PCDHGA1: variants seen among roughly 807,000 people sequenced by gnomAD.
PCDHGA1 encodes the protein protocadherin gamma subfamily A, 1.
A neutral mutation model predicts 58.0 loss-of-function variants in PCDHGA1; 32 were observed. The observed-to-expected ratio is 0.55, with a 90% CI of 0.42 to 0.74. PCDHGA1 has a LOEUF of 0.74. PCDHGA1 is among the 30% of genes least tolerant of loss of function. The pLI is 0.00. For missense variants in PCDHGA1, 1,205 were observed against 1,182.3 expected, an observed-to-expected ratio of 1.02 and a Z score of -0.28; for synonymous variants, 498 against 501.1, an observed-to-expected ratio of 0.99 and a Z score of 0.08.
intron 1 of PCDHGA1, chr5:141,404,633 G>C: frequency 6.2e-7 from 1 of 1,614,170 alleles, no homozygotes; most frequent in Non-Finnish European, 8.5e-7. Flanking sequence ...CAATGCCCCA[G>C]AAATCCTGTA....
In PCDHGA1 at chr5:141,476,245, G is replaced by C; in HGVS notation, c.2422-18562G>C. 3.1e-6 allele frequency: 5 copies of C among 1,614,086 alleles called. No homozygotes were observed. The highest frequency in any genetic ancestry group is 3.4e-6 in the Non-Finnish European group (4 of 1,180,026). On this transcript the variant is annotated intron_variant, in intron 1 of 3. Transcript: ENST00000517417. This position sits in a 1 kb window ranked among gnomAD's most constrained non-coding sequence, Gnocchi z 7.6. The stretch of plus-strand genomic sequence containing the variant: ...ATGAGATCCCGGAGGAAAGAGAGAA[G>C]GGTTTCGCTGTGGGCAACGTGGTCG...
At chr5:141,439,523 T>A (rs2098118339) in intron 1 of PCDHGA1, among the ~76,000 whole-genome samples, 1 of 152,202 alleles carries the variant, frequency 6.6e-6, no homozygotes, top group African/African-American at 2.4e-5. Context: ...CAACTAACTC[T>A]ACAGAACGCT....
At chr5:141,374,437 C>T in intron 1 of PCDHGA1, 2 of 1,613,846 alleles carry the variant, frequency 1.2e-6, no homozygotes, top group Non-Finnish European at 1.7e-6. Context: ...ATCTTTATCC[C>T]GTGGAAGTGG....
At chr5:141,481,913 CAAAA>C (rs34114744) in intron 1 of PCDHGA1, among the ~76,000 whole-genome samples, 1 of 90,848 alleles carries the variant, frequency 1.1e-5, no homozygotes, top group Non-Finnish European at 2.2e-5. Context: ...AACTCCATCT[CAAAA>C]AAAAAAAAAA....
rs1299543517 is a variant in PCDHGA1, at chr5:141,344,385, G to T, written c.2421+11280G>T. The T allele has an allele frequency of 2.5e-6, 4 of 1,612,432 alleles. No homozygotes were observed. In the Admixed American group the frequency reaches 5.0e-5, roughly 20 times the overall value. On this transcript the variant is annotated intron_variant, in intron 1 of 3. Coordinates refer to ENST00000517417, the MANE Select transcript of PCDHGA1 (RefSeq NM_018912.3). ...GGTTGAGGATAAATTGAAAATTTTT[G>T]AAGTAGAAATAGAAATTAAAGATAT...
Position 141,338,984 on chromosome 5 carries a change from C to A in PCDHGA1, c.2421+5879C>A, listed in dbSNP as rs774904169. 15 of 1,538,220 alleles carry A rather than the reference C, an allele frequency of 9.8e-6. No homozygotes were observed. In the East Asian group the frequency reaches 3.0e-4, roughly 30 times the overall value. ...CGACAGGAGGGAAATGGCGGCTCTGCAAAAGTTGCCACACTGCAGAAAGCT... is the reference window on the plus strand; with the variant it reads ...CGACAGGAGGGAAATGGCGGCTCTGAAAAAGTTGCCACACTGCAGAAAGCT... On this transcript the variant is annotated intron_variant, in intron 1 of 3. Coordinates refer to ENST00000517417, the MANE Select transcript of PCDHGA1 (RefSeq NM_018912.3).
chr5:141,406,796 T>C (rs1010773625), intron 1 of PCDHGA1, among the ~76,000 whole-genome samples: 7 of 152,362 alleles, frequency 4.6e-5, no homozygotes, highest in Admixed American at 1.3e-4. Flanking sequence ...TATTTCTGGC[T>C]CAATTCTCCA....
intron 1 of PCDHGA1, chr5:141,371,141 C>A: frequency 2.2e-5 from 35 of 1,613,982 alleles, no homozygotes; most frequent in Non-Finnish European, 2.8e-5. Context: ...TGTACAGGGT[C>A]AATGTTGCAG....
At chr5:141,478,526 G>A (rs1402123535) in intron 1 of PCDHGA1, 1 of 1,609,906 alleles carries the variant, frequency 6.2e-7, no homozygotes, top group Admixed American at 1.7e-5. Context: ...GTTGGGTGCA[G>A]AGAGCGCCCC....
At position 141,431,982 on chromosome 5, in the gene PCDHGA1, T is replaced by G. The variant is rs2097433926; in HGVS notation, c.2422-62825T>G. The G allele has an allele frequency of 6.2e-7, 1 of 1,614,212 alleles. No homozygotes were observed. Among genetic ancestry groups the G allele is most frequent in the African/African-American group, 1.3e-5 (1 of 75,056 alleles). ...AATTACTATAGTTTAGTCACAGACA[T>G]AGTCTTGGATAGGGAACAGGTTCCT... On this transcript the variant is annotated intron_variant, in intron 1 of 3. Transcript: ENST00000517417. The surrounding 1 kb of genome is among the most constrained non-coding windows in gnomAD (Gnocchi z 4.8).
rs1370450155 is a variant in PCDHGA1, at chr5:141,431,480, G to T, written c.2422-63327G>T. On this transcript the variant is annotated intron_variant, in intron 1 of 3. Coordinates refer to ENST00000517417, the MANE Select transcript of PCDHGA1 (RefSeq NM_018912.3). This position sits in a 1 kb window ranked among gnomAD's most constrained non-coding sequence, Gnocchi z 4.8. Reference sequence around the variant, plus strand: ...TCTGGATGCGAACGACAACGCACCAGCGTTTGCTCAGCCCGAGTACCGCGC... The same window carrying T: ...TCTGGATGCGAACGACAACGCACCATCGTTTGCTCAGCCCGAGTACCGCGC... 3 of 1,613,924 alleles carry T rather than the reference G, an allele frequency of 1.9e-6. No individual in the cohort carries two copies. Among genetic ancestry groups the T allele is most frequent in the Non-Finnish European group, 2.5e-6 (3 of 1,179,990 alleles).
chr5:141,479,679 T>A (rs1211872684), intron 1 of PCDHGA1: 1 of 152,258 alleles, frequency 6.6e-6, no homozygotes, highest in East Asian at 1.9e-4. Flanking sequence ...AAGGAGAGTC[T>A]TTTTGGTGCC....
In PCDHGA1 at chr5:141,476,533, A is replaced by G; in HGVS notation, c.2422-18274A>G. 6.2e-7 allele frequency: 1 copy of G among 1,614,184 alleles called. No individual in the cohort carries two copies. Among genetic ancestry groups the G allele is most frequent in the Non-Finnish European group, 8.5e-7 (1 of 1,180,022 alleles). On this transcript the variant is annotated intron_variant, in intron 1 of 3. Transcript: ENST00000517417. The surrounding 1 kb of genome is among the most constrained non-coding windows in gnomAD (Gnocchi z 7.6). ...ACAATCCTGCTTTCCCTACCCAGGA[A>G]ATGAAATTGGAGATTAGCGAGGCCG...
At position 141,430,830 on chromosome 5, in the gene PCDHGA1, G is replaced by A. The variant is rs754181300; in HGVS notation, c.2422-63977G>A. The stretch of plus-strand genomic sequence containing the variant: ...CTGGGAATCCTCCTGGGGACTCTGT[G>A]GGAGACCGGATGCACCCAGATACGC... On this transcript the variant is annotated intron_variant, in intron 1 of 3. Coordinates refer to ENST00000517417, the MANE Select transcript of PCDHGA1 (RefSeq NM_018912.3). 8 of 1,554,850 alleles carry A rather than the reference G, an allele frequency of 5.1e-6. No homozygotes were observed. The East Asian group carries it at 1.6e-4, about 31-fold the overall frequency.
At chr5:141,343,244 C>A in intron 1 of PCDHGA1, 1 of 919,264 alleles carries the variant, frequency 1.1e-6, no homozygotes, top group Non-Finnish European at 1.3e-6. Context: ...CAACAAATAT[C>A]GAAACTAAGT....
At chr5:141,364,941 A>C in intron 1 of PCDHGA1, 1 of 1,613,952 alleles carries the variant, frequency 6.2e-7, no homozygotes, top group Non-Finnish European at 8.5e-7. Flanking sequence ...GACCGCGAGA[A>C]AGAGACTGTT....
At chr5:141,417,993 C>T (rs753867006) in intron 1 of PCDHGA1, 11 of 1,613,830 alleles carry the variant, frequency 6.8e-6, no homozygotes, top group Non-Finnish European at 7.6e-6. Flanking sequence ...GCCAAGGGCT[C>T]GGTGGTGGGG....
At chr5:141,468,382 G>T (rs1247387630) in intron 1 of PCDHGA1, 1 of 151,194 alleles carries the variant, frequency 6.6e-6, no homozygotes, top group Non-Finnish European at 1.5e-5. Context: ...GCCATACAAG[G>T]CTACCCATTT....
chr5:141,491,826 C>G lies in PCDHGA1; in HGVS notation c.2422-2981C>G. ...GGCTTGGTCGCTGGCTGCGCTCCAC[C>G]CGATTCTCGGGATCATTGGACCGTT... On this transcript the variant is annotated intron_variant, in intron 1 of 3. Coordinates refer to ENST00000517417, the MANE Select transcript of PCDHGA1 (RefSeq NM_018912.3). The surrounding 1 kb of genome is among the most constrained non-coding windows in gnomAD (Gnocchi z 6.9). 1 of 1,477,526 alleles carries G rather than the reference C, an allele frequency of 6.8e-7. No individual in the cohort carries two copies. The highest frequency in any genetic ancestry group is 9.0e-7 in the Non-Finnish European group (1 of 1,114,486). 91.5% of individuals were successfully genotyped at this position (1,477,526 alleles called of 1,614,324 possible). A position where few individuals can be genotyped will look rare whatever the true frequency, so the allele number is the denominator to read the frequency against.
Sources: allele counts gnomAD v4.1 joint callset (sites outside exome capture counted in the v4.1 genomes callset), GRCh38; gene constraint gnomAD v4.1.1; non-coding constraint Gnocchi (gnomAD v3.1); transcripts MANE v1.5; gene names NCBI Gene and HGNC (gene_info 2026-07-23, HGNC 2026-07-21).